Variants in SLC35F1 observed in about 807,000 individuals in gnomAD.
The protein encoded by SLC35F1 is solute carrier family 35 member F1, also known as chromosome 6 open reading frame 169.
SLC35F1 carries 14 observed loss-of-function variants against 48.7 expected under a neutral mutation model. That is an observed-to-expected ratio of 0.29 (90% CI 0.19 to 0.45). The LOEUF is 0.45. Ranked by LOEUF, SLC35F1 falls within the 20% of genes least tolerant of loss-of-function variation. SLC35F1 has a pLI of 1.00. For synonymous variants in SLC35F1, 190 were observed against 202.2 expected, an observed-to-expected ratio of 0.94 and a Z score of 0.51; for missense variants, 404 against 500.0, an observed-to-expected ratio of 0.81 and a Z score of 1.83.
At chr6:117,981,789 A>G (rs1554220098) in intron 1 of SLC35F1, among the ~76,000 whole-genome samples, 1 of 152,118 alleles carries the variant, frequency 6.6e-6, no homozygotes, top group Non-Finnish European at 1.5e-5. Context: ...TTTTTTTTGT[A>G]TATTCATACC....
At chr6:118,126,287 T>C (rs1562297443) in intron 1 of SLC35F1, among the ~76,000 whole-genome samples, 1 of 152,306 alleles carries the variant, frequency 6.6e-6, no homozygotes, top group East Asian at 1.9e-4. Context: ...GATCAGATAG[T>C]TGTAGATATG....
intron 1 of SLC35F1, among the ~76,000 whole-genome samples, chr6:118,117,911 T>G (rs1773495593): frequency 6.6e-6 from 1 of 152,174 alleles, no homozygotes; most frequent in South Asian, 2.1e-4. Context: ...GCATTACTAT[T>G]TCATACCTTT....
chr6:118,050,502 A>G (rs1323263666), intron 1 of SLC35F1, among the ~76,000 whole-genome samples: 1 of 152,116 alleles, frequency 6.6e-6, no homozygotes, highest in Non-Finnish European at 1.5e-5. Context: ...ACTGTGAGAA[A>G]GAGGCACAGG....
chr6:118,208,775 G>A (rs777802822), intron 2 of SLC35F1, among the ~76,000 whole-genome samples: 20 of 152,170 alleles, frequency 1.3e-4, no homozygotes, highest in South Asian at 6.2e-4. Flanking sequence ...CAAGTGTGGC[G>A]CTGTGGCATG....
At chr6:118,261,990 C>T (rs1031742480) in intron 3 of SLC35F1, among the ~76,000 whole-genome samples, 1 of 152,096 alleles carries the variant, frequency 6.6e-6, no homozygotes, top group Non-Finnish European at 1.5e-5. Context: ...TCTTGTGGAC[C>T]AAAGACTTGT....
intron 2 of SLC35F1, among the ~76,000 whole-genome samples, chr6:118,215,867 A>T (rs1775064573): frequency 6.6e-6 from 1 of 152,276 alleles, no homozygotes; most frequent in South Asian, 2.1e-4. Context: ...TCAGAAGGAA[A>T]AACAAGGGCT....
chr6:118,234,564 G>A (rs1055915213), intron 2 of SLC35F1, among the ~76,000 whole-genome samples: 12 of 152,152 alleles, frequency 7.9e-5, no homozygotes, highest in African/African-American at 2.4e-4. Context: ...AGGAGAACTT[G>A]AGCTGGAGAC....
At chr6:118,204,879 C>T (rs1051845458) in intron 2 of SLC35F1, among the ~76,000 whole-genome samples, 1 of 152,134 alleles carries the variant, frequency 6.6e-6, no homozygotes, top group Non-Finnish European at 1.5e-5. Flanking sequence ...ATTAGCCACA[C>T]TAAGCATTAA....
intron 1 of SLC35F1, among the ~76,000 whole-genome samples, chr6:117,913,650 A>G (rs1469099827): frequency 6.6e-6 from 1 of 152,240 alleles, no homozygotes; most frequent in Non-Finnish European, 1.5e-5. Context: ...CAATAACAAT[A>G]AATATTCTTT....
At chr6:118,200,860 T>A (rs1244210453) in intron 2 of SLC35F1, among the ~76,000 whole-genome samples, 1 of 152,132 alleles carries the variant, frequency 6.6e-6, no homozygotes, top group Non-Finnish European at 1.5e-5. Flanking sequence ...GTGTGCTTAC[T>A]CCTTTTCTTT....
chr6:118,015,197 A>T (rs1456188058), intron 1 of SLC35F1, among the ~76,000 whole-genome samples: 6 of 152,086 alleles, frequency 3.9e-5, no homozygotes, highest in Admixed American at 3.9e-4. Context: ...CTTTTTCCTT[A>T]TAAATTACCC....
At chr6:118,198,284 A>G (rs1463114072) in intron 2 of SLC35F1, among the ~76,000 whole-genome samples, 2 of 152,188 alleles carry the variant, frequency 1.3e-5, no homozygotes, top group African/African-American at 4.8e-5. Context: ...GTTTCTCTTT[A>G]ATACTGCTTA....
At chr6:118,038,305 A>AT (rs1365765496) in intron 1 of SLC35F1, among the ~76,000 whole-genome samples, 13 of 151,736 alleles carry the variant, frequency 8.6e-5, no homozygotes, top group Non-Finnish European at 1.6e-4. Context: ...TCAGTCATAG[A>AT]TTTTTTTCTC....
intron 1 of SLC35F1, among the ~76,000 whole-genome samples, chr6:118,046,965 A>AG (rs1185958009): frequency 6.6e-6 from 1 of 151,210 alleles, no homozygotes; most frequent in Non-Finnish European, 1.5e-5. Context: ...TGAGATATAA[A>AG]AAAATCATAT....
At chr6:118,298,053 C>G (rs934326845) in intron 7 of SLC35F1, among the ~76,000 whole-genome samples, 4 of 151,978 alleles carry the variant, frequency 2.6e-5, no homozygotes, top group African/African-American at 4.8e-5. Context: ...TGTGACATGC[C>G]TGCACCTCCT....
chr6:118,058,146 A>C (rs1291509260), intron 1 of SLC35F1, among the ~76,000 whole-genome samples: 3 of 152,154 alleles, frequency 2.0e-5, no homozygotes, highest in African/African-American at 7.2e-5. Flanking sequence ...ATATAATGGC[A>C]CATATTTATA....
chr6:118,209,966 A>T (rs1774982341), intron 2 of SLC35F1, among the ~76,000 whole-genome samples: 1 of 152,250 alleles, frequency 6.6e-6, no homozygotes, highest in Admixed American at 6.5e-5. Flanking sequence ...TGCTATTCTA[A>T]GCCAAGTAAT....
chr6:118,223,922 C>T (rs964443959), intron 2 of SLC35F1, among the ~76,000 whole-genome samples: 2 of 152,194 alleles, frequency 1.3e-5, no homozygotes, highest in Non-Finnish European at 2.9e-5. Context: ...TTACATCGTG[C>T]GTCATTAGCT....
intron 1 of SLC35F1, among the ~76,000 whole-genome samples, chr6:118,128,297 C>A (rs1310400747): frequency 2.0e-5 from 3 of 146,522 alleles, no homozygotes; most frequent in South Asian, 2.3e-4. Flanking sequence ...TTGACCCAGC[C>A]ATCCCATTAC....
Sources: gnomAD v4.1 joint callset for allele counts (sites outside exome capture counted in the v4.1 genomes callset) on GRCh38, gnomAD v4.1.1 for gene constraint, MANE v1.5 for transcripts, NCBI Gene and HGNC (gene_info 2026-07-23, HGNC 2026-07-21) for gene names.